Variants in ZNF148 observed in about 807,000 individuals in gnomAD.
ZNF148 encodes the protein Beta-Enolase Repressor Factor-1.
ZNF148 carries 7 observed loss-of-function variants against 67.7 expected under a neutral mutation model. The ratio of observed to expected loss-of-function variants is 0.10; its 90% CI spans 0.06 to 0.19. The LOEUF (loss-of-function observed/expected upper bound fraction) is 0.19, where lower values mean the gene tolerates loss of function less well. ZNF148 is among the 10% of genes least tolerant of loss of function. The probability of loss-of-function intolerance (pLI) is 1.00; values close to 1 mark genes in which losing one functional copy is unlikely to be tolerated. For synonymous variants in ZNF148, 333 were observed against 330.7 expected, an observed-to-expected ratio of 1.01 and a Z score of -0.08; for missense variants, 583 against 947.1, an observed-to-expected ratio of 0.62 and a Z score of 5.05.
chr3:125,344,853 CAG>C lies in ZNF148; in HGVS notation c.-233-13617_-233-13616del, dbSNP rs1435707710. 4.5e-5 allele frequency: 13 copies of C among 289,146 alleles called. 1 individual carries two copies. The highest frequency in any genetic ancestry group is 2.2e-4 in the South Asian group (6 of 26,754). 17.9% of individuals were successfully genotyped at this position (289,146 alleles called of 1,614,324 possible). On this transcript the variant is annotated intron_variant, in intron 1 of 8. Coordinates refer to ENST00000360647, the MANE Select transcript of ZNF148 (RefSeq NM_021964.3). ...GATGCAGGTGGCAGGCGATGGGACA[CAG>C]GGGAAGTGGGGCAGTGGCCTGGATG... is the stretch of plus-strand genomic sequence containing the variant.
chr3:125,313,591 A>G lies in ZNF148; in HGVS notation c.50T>C (p.Ile17Thr), dbSNP rs377246488. The change falls in exon 4 of 9, where the codon ATA becomes ACA. Residue 17 changes from isoleucine (I) to threonine (T), a missense_variant. Physicochemically the swap from Ile to Thr is moderately conservative, Grantham distance 89 (BLOSUM62 -1). Coordinates refer to ENST00000360647, the MANE Select transcript of ZNF148 (RefSeq NM_021964.3). The part of the protein sequence containing the change: ...LEGLFLKCGG[I>T]DEMQSSRTMV... Reference sequence around the variant, plus strand: ...TGTCCTGGAAGACTGCATTTCGTCTATGCCGCCACATTTAAGAAACAATCC... The same window carrying G: ...TGTCCTGGAAGACTGCATTTCGTCTGTGCCGCCACATTTAAGAAACAATCC... 6.8e-6 allele frequency: 11 copies of G among 1,614,140 alleles called. No individual in the cohort carries two copies. The highest frequency in any genetic ancestry group is 8.5e-6 in the Non-Finnish European group (10 of 1,179,966).
chr3:125,274,034 C>T (rs185748891), intron 7 of ZNF148, among the ~76,000 whole-genome samples: 6 of 152,218 alleles, frequency 3.9e-5, no homozygotes, highest in African/African-American at 1.4e-4. Context: ...GAGTAAAATG[C>T]TCACGGGGTG....
At chr3:125,341,827 T>C (rs1313995075) in intron 1 of ZNF148, among the ~76,000 whole-genome samples, 2 of 151,606 alleles carry the variant, frequency 1.3e-5, no homozygotes, top group Non-Finnish European at 2.9e-5. Flanking sequence ...AAACACCATC[T>C]CTACAAAAAA....
At chr3:125,345,633 G>A (rs1043512425) in intron 1 of ZNF148, among the ~76,000 whole-genome samples, 12 of 151,676 alleles carry the variant, frequency 7.9e-5, no homozygotes, top group Admixed American at 5.3e-4. Context: ...AAAACATCAG[G>A]TATGAAACAG....
intron 7 of ZNF148, among the ~76,000 whole-genome samples, chr3:125,252,777 A>C (rs1182767017): frequency 6.6e-5 from 10 of 151,810 alleles, no homozygotes; most frequent in South Asian, 2.1e-4. Flanking sequence ...AAAAAAAAAA[A>C]AAAAAAAACC....
At chr3:125,301,456 A>T (rs939357463) in intron 4 of ZNF148, among the ~76,000 whole-genome samples, 143 of 152,374 alleles carry the variant, frequency 9.4e-4, no homozygotes, top group African/African-American at 3.4e-3. Flanking sequence ...GTTATCACAC[A>T]TGATGACTTA....
At chr3:125,374,560 T>A (rs1030083140) in intron 1 of ZNF148, among the ~76,000 whole-genome samples, 36 of 151,950 alleles carry the variant, frequency 2.4e-4, no homozygotes, top group Non-Finnish European at 2.4e-4. Flanking sequence ...CCTCCACCTC[T>A]CCGGCATCTT....
chr3:125,267,124 AC>A (rs1295045476), intron 7 of ZNF148, among the ~76,000 whole-genome samples: 1 of 151,670 alleles, frequency 6.6e-6, no homozygotes, highest in Non-Finnish European at 1.5e-5. Flanking sequence ...GCTGAATTCT[AC>A]CAAATGTACA....
At chr3:125,328,730 T>C (rs542828289) in intron 2 of ZNF148, among the ~76,000 whole-genome samples, 2 of 151,838 alleles carry the variant, frequency 1.3e-5, no homozygotes, top group Admixed American at 6.6e-5. Context: ...CATGACCAAA[T>C]TGGTAACTGA....
intron 2 of ZNF148, among the ~76,000 whole-genome samples, chr3:125,326,738 ATTT>A (rs536677654): frequency 0.047 from 6,935 of 147,382 alleles, 237 homozygotes; most frequent in Non-Finnish European, 0.072. Context: ...AAATATACAT[ATTT>A]ATATGTATAT....
At chr3:125,257,486 G>A (rs757523837) in intron 7 of ZNF148, among the ~76,000 whole-genome samples, 4 of 151,264 alleles carry the variant, frequency 2.6e-5, no homozygotes, top group African/African-American at 7.3e-5. Flanking sequence ...CTCGGGCTGC[G>A]GAGGTTGGTG....
chr3:125,301,544 T>A (rs6768561), intron 4 of ZNF148, among the ~76,000 whole-genome samples: 118,161 of 152,162 alleles, frequency 0.78, 46,486 homozygotes, highest in African/African-American at 0.87. Flanking sequence ...TAAAAACTCA[T>A]TTTTTTGCTT....
intron 4 of ZNF148, among the ~76,000 whole-genome samples, chr3:125,294,224 C>T (rs1025751247): frequency 6.6e-6 from 1 of 152,092 alleles, no homozygotes; most frequent in Non-Finnish European, 1.5e-5. Context: ...GAAAAGTCTG[C>T]ATTCAACTGA....
chr3:125,304,241 A>G (rs1939752045), intron 4 of ZNF148, among the ~76,000 whole-genome samples: 3 of 152,222 alleles, frequency 2.0e-5, no homozygotes, highest in Non-Finnish European at 2.9e-5. Flanking sequence ...GGTTCTCCAT[A>G]TAGAGGGGCA....
At chr3:125,264,116 G>A (rs1937466937) in intron 7 of ZNF148, among the ~76,000 whole-genome samples, 1 of 152,236 alleles carries the variant, frequency 6.6e-6, no homozygotes, top group Admixed American at 6.5e-5. Context: ...ACCTTGTCCT[G>A]TGGACCCTCT....
intron 3 of ZNF148, among the ~76,000 whole-genome samples, chr3:125,319,538 T>C (rs1940677323): frequency 6.6e-6 from 1 of 152,194 alleles, no homozygotes; most frequent in African/African-American, 2.4e-5. Flanking sequence ...TGCTGAGGTT[T>C]TTTGTAATGG....
At chr3:125,269,147 C>T (rs562997202) in intron 7 of ZNF148, among the ~76,000 whole-genome samples, 63 of 147,440 alleles carry the variant, frequency 4.3e-4, no homozygotes, top group African/African-American at 1.5e-3. Flanking sequence ...GCAGGTGGAT[C>T]GCTTGAGCCC....
chr3:125,276,123 T>C (rs1356941758), intron 7 of ZNF148, among the ~76,000 whole-genome samples: 1 of 152,186 alleles, frequency 6.6e-6, no homozygotes, highest in Non-Finnish European at 1.5e-5. Context: ...TCAATAAATT[T>C]TTGTTGAATG....
At chr3:125,279,034 G>A (rs1938226072) in intron 6 of ZNF148, 90 bp downstream of exon 6, 33 of 1,343,726 alleles carry the variant, frequency 2.5e-5, no homozygotes, top group Non-Finnish European at 3.3e-5. Context: ...ATTAGCTATG[G>A]TCTTAGGAAT....
Sources: gnomAD v4.1 joint callset for allele counts (sites outside exome capture counted in the v4.1 genomes callset) on GRCh38, gnomAD v4.1.1 for gene constraint, MANE v1.5 for transcripts, NCBI Gene and HGNC (gene_info 2026-07-23, HGNC 2026-07-21) for gene names.